The following MACROD2 variants were observed in gnomAD, a reference collection of about 807,000 sequenced individuals.
MACROD2 encodes ADP-ribose glycohydrolase MACROD2.
MACROD2 carries 36 observed loss-of-function variants against 70.4 expected under a neutral mutation model. The observed-to-expected ratio is 0.51, with a 90% CI of 0.39 to 0.68. MACROD2 has a LOEUF of 0.68. Among genes scored for constraint, MACROD2 ranks in the 30% least tolerant of loss-of-function variants. The pLI is 0.00. For missense variants in MACROD2, 496 were observed against 538.4 expected (o/e 0.92, Z 0.78); for synonymous variants, 172 against 178.8 (o/e 0.96, Z 0.30).
At chr20:14,964,722 TTG>T (rs2074616707) in intron 5 of MACROD2, among the ~76,000 whole-genome samples, 1 of 152,188 alleles carries the variant, frequency 6.6e-6, no homozygotes, top group African/African-American at 2.4e-5. Flanking sequence ...TGAGTTCATA[TTG>T]TTTTTAACTT....
chr20:15,182,049 C>T (rs1372476353), intron 5 of MACROD2, among the ~76,000 whole-genome samples: 1 of 151,630 alleles, frequency 6.6e-6, no homozygotes, highest in Non-Finnish European at 1.5e-5. Context: ...ATCTGTTCTG[C>T]TGTAGAATTG....
At chr20:15,519,271 C>T (rs575870544) in intron 8 of MACROD2, among the ~76,000 whole-genome samples, 7 of 152,082 alleles carry the variant, frequency 4.6e-5, no homozygotes, top group Admixed American at 1.3e-4. Flanking sequence ...CCACCACACC[C>T]GGCTAATTTT....
intron 3 of MACROD2, among the ~76,000 whole-genome samples, chr20:14,421,030 T>G (rs1312875011): frequency 6.6e-6 from 1 of 152,254 alleles, no homozygotes; most frequent in Non-Finnish European, 1.5e-5. Context: ...TTTTACATTC[T>G]GATGAAGTCA....
intron 6 of MACROD2, among the ~76,000 whole-genome samples, chr20:15,302,645 T>C (rs2077658353): frequency 6.6e-6 from 1 of 152,230 alleles, no homozygotes. Context: ...AAATCCCCAG[T>C]TGGGGGATGG....
At chr20:15,301,287 C>T (rs2077639946) in intron 6 of MACROD2, among the ~76,000 whole-genome samples, 1 of 152,184 alleles carries the variant, frequency 6.6e-6, no homozygotes, top group Non-Finnish European at 1.5e-5. Flanking sequence ...AGAGCAGTTA[C>T]CTGGCAGGCC....
intron 3 of MACROD2, among the ~76,000 whole-genome samples, chr20:14,347,758 C>G (rs1007001943): frequency 6.6e-6 from 1 of 152,156 alleles, no homozygotes; most frequent in African/African-American, 2.4e-5. Context: ...AAAACTGACC[C>G]TTGCCAAGAG....
At chr20:14,633,470 T>TA (rs1403028464) in intron 4 of MACROD2, among the ~76,000 whole-genome samples, 3 of 152,266 alleles carry the variant, frequency 2.0e-5, no homozygotes, top group Admixed American at 6.5e-5. Flanking sequence ...TGGTGATAAA[T>TA]AAAAAATCCC....
chr20:15,880,404 C>G (rs1396331776), intron 9 of MACROD2, among the ~76,000 whole-genome samples: 3 of 151,866 alleles, frequency 2.0e-5, no homozygotes, highest in African/African-American at 7.2e-5. Context: ...CCCCAATAAG[C>G]AGATCCTGAA....
At chr20:14,230,685 A>AAACACAGGC (rs2081800606) in intron 3 of MACROD2, among the ~76,000 whole-genome samples, 2 of 116,874 alleles carry the variant, frequency 1.7e-5, no homozygotes, top group African/African-American at 7.6e-5. Flanking sequence ...ATATATATAT[A>AAACACAGGC]TATATATATA....
chr20:14,617,335 A>T (rs1983541698), intron 4 of MACROD2, among the ~76,000 whole-genome samples: 1 of 151,930 alleles, frequency 6.6e-6, no homozygotes, highest in Non-Finnish European at 1.5e-5. Context: ...TTTATAGGAA[A>T]CCTCTTGGAG....
chr20:14,036,715 G>C (rs1484531490), intron 2 of MACROD2, among the ~76,000 whole-genome samples: 1 of 152,124 alleles, frequency 6.6e-6, no homozygotes, highest in East Asian at 1.9e-4. Flanking sequence ...CCAGGCTAGA[G>C]TGCCCTGCCG....
At chr20:15,594,262 G>A (rs774383913) in intron 8 of MACROD2, among the ~76,000 whole-genome samples, 30 of 151,032 alleles carry the variant, frequency 2.0e-4, no homozygotes, top group Non-Finnish European at 4.1e-4. Flanking sequence ...ACTTTGCTTA[G>A]CATGATGTTT....
intron 5 of MACROD2, among the ~76,000 whole-genome samples, chr20:15,074,907 C>T (rs2075646813): frequency 6.6e-6 from 1 of 152,262 alleles, no homozygotes; most frequent in East Asian, 1.9e-4. Context: ...ATCCATAAGA[C>T]AGCATCTCTT....
intron 9 of MACROD2, among the ~76,000 whole-genome samples, chr20:15,885,218 A>T (rs1237046144): frequency 6.6e-6 from 1 of 152,116 alleles, no homozygotes; most frequent in African/African-American, 2.4e-5. Context: ...CTGGGAGATG[A>T]TGGGAGCTAA....
At chr20:15,320,310 A>G (rs1307590793) in intron 6 of MACROD2, among the ~76,000 whole-genome samples, 1 of 152,188 alleles carries the variant, frequency 6.6e-6, no homozygotes, top group East Asian at 1.9e-4. Flanking sequence ...GGGTGACAAA[A>G]ATGTTTTGGA....
At chr20:14,990,316 TTGAG>T (rs2074889972) in intron 5 of MACROD2, among the ~76,000 whole-genome samples, 1 of 151,952 alleles carries the variant, frequency 6.6e-6, no homozygotes, top group African/African-American at 2.4e-5. Context: ...GGAACACAAT[TTGAG>T]TGAGTTAAGA....
intron 5 of MACROD2, among the ~76,000 whole-genome samples, chr20:14,775,290 G>T (rs567792032): frequency 6.6e-6 from 1 of 152,178 alleles, no homozygotes; most frequent in South Asian, 2.1e-4. Flanking sequence ...TTGCTGTAAA[G>T]GAATACCTGA....
intron 10 of MACROD2, among the ~76,000 whole-genome samples, chr20:15,897,187 A>G (rs1018051528): frequency 6.6e-6 from 1 of 152,184 alleles, no homozygotes; most frequent in Non-Finnish European, 1.5e-5. Flanking sequence ...TTCTTAAAGC[A>G]GTATTGGTGG....
At chr20:14,760,394 G>A (rs1411905898) in intron 5 of MACROD2, among the ~76,000 whole-genome samples, 1 of 152,068 alleles carries the variant, frequency 6.6e-6, no homozygotes, top group Non-Finnish European at 1.5e-5. Flanking sequence ...TAAGTATAAA[G>A]TTCTGAGCCT....
Sources: gnomAD v4.1 joint callset for allele counts (sites outside exome capture counted in the v4.1 genomes callset) on GRCh38, gnomAD v4.1.1 for gene constraint, MANE v1.5 for transcripts, NCBI Gene and HGNC (gene_info 2026-07-23, HGNC 2026-07-21) for gene names.